Variants in PTPRN2 observed in about 807,000 individuals in gnomAD.
PTPRN2 encodes the protein receptor-type tyrosine-protein phosphatase N2.
A neutral mutation model predicts 118.8 loss-of-function variants in PTPRN2; 74 were observed. The ratio of observed to expected loss-of-function variants is 0.62; its 90% CI spans 0.52 to 0.76. PTPRN2 has a LOEUF of 0.76. Among genes scored for constraint, PTPRN2 ranks in the 30% least tolerant of loss-of-function variants. PTPRN2 has a pLI of 0.00. For missense variants in PTPRN2, 1,481 were observed against 1,394.4 expected, an observed-to-expected ratio of 1.06 and a Z score of -0.99; for synonymous variants, 641 against 608.0, an observed-to-expected ratio of 1.05 and a Z score of -0.80.
At chr7:157,748,494 AGTGTCTGGGTGATTCTTAGGTC>A (rs1563067892) in intron 12 of PTPRN2, among the ~76,000 whole-genome samples, 26 of 27,004 alleles carry the variant, frequency 9.6e-4, no homozygotes, top group South Asian at 5.5e-3. Context: ...TGAGCTGCGG[AGTGTCTGGGTGATTCTTAGGTC>A]TGCGTCTCTG....
chr7:157,829,062 G>A (rs1042800833), intron 12 of PTPRN2, among the ~76,000 whole-genome samples: 2 of 152,246 alleles, frequency 1.3e-5, no homozygotes, highest in East Asian at 1.9e-4. Context: ...TCCAGGACAC[G>A]TCTGCGATGC....
At chr7:158,167,418 G>T (rs554594999) in intron 5 of PTPRN2, 127 bp from the exon 6 acceptor site, 10 of 1,268,498 alleles carry the variant, frequency 7.9e-6, no homozygotes, top group Non-Finnish European at 1.1e-5. Flanking sequence ...ATGCCCTTCG[G>T]TCTCAGGTTC....
intron 7 of PTPRN2, among the ~76,000 whole-genome samples, chr7:158,137,809 C>G (rs112427084): frequency 6.6e-6 from 1 of 152,216 alleles, no homozygotes; most frequent in East Asian, 1.9e-4. Context: ...AGCCATCAGG[C>G]TGCAGAAGTC....
chr7:157,765,108 TCCC>T (rs1283545260), intron 12 of PTPRN2, among the ~76,000 whole-genome samples: 1 of 139,586 alleles, frequency 7.2e-6, no homozygotes, highest in Non-Finnish European at 1.5e-5. Context: ...CACCCATCCT[TCCC>T]CCATCCATCC....
At position 158,517,758 on chromosome 7, in the gene PTPRN2, C is replaced by T. The variant is rs531389609; in HGVS notation, c.113-27973G>A. On this transcript the variant is annotated intron_variant, in intron 1 of 22. Coordinates refer to ENST00000389418, the MANE Select transcript of PTPRN2 (RefSeq NM_002847.5). The surrounding 1 kb of genome is among the most constrained non-coding windows in gnomAD (Gnocchi z 5.3). ...ATCCCCACCATAGCCAGGCAGGCCTCCAGATGCCTCCAGACTCATCCCCAC... is the reference window on the plus strand; with the variant it reads ...ATCCCCACCATAGCCAGGCAGGCCTTCAGATGCCTCCAGACTCATCCCCAC... Among the ~76,000 whole-genome samples, 4 of 151,994 alleles carry T rather than the reference C, an allele frequency of 2.6e-5. No homozygotes were observed. The East Asian group carries it at 7.7e-4, about 29-fold the overall frequency.
chr7:158,304,498 G>A (rs1182549349), intron 3 of PTPRN2, among the ~76,000 whole-genome samples: 4 of 145,768 alleles, frequency 2.7e-5, no homozygotes, highest in African/African-American at 5.3e-5. Context: ...TACATTCTAG[G>A]GAGGCATAAG....
chr7:157,597,783 C>T (rs944957921), intron 16 of PTPRN2, among the ~76,000 whole-genome samples: 4 of 152,160 alleles, frequency 2.6e-5, no homozygotes, highest in South Asian at 2.1e-4. Context: ...GAGTGGGGAC[C>T]GGCCTCACCT....
rs1563336417 is a variant in PTPRN2, at chr7:158,022,616, ACC to A, written c.1723+58680_1723+58681del. Among the ~76,000 whole-genome samples, 2 of 142,696 alleles carry A rather than the reference ACC, an allele frequency of 1.4e-5. No individual in the cohort carries two copies. The highest frequency in any genetic ancestry group is 3.1e-5 in the Non-Finnish European group (2 of 64,174). 93.6% of individuals were successfully genotyped at this position (142,696 alleles called of 152,430 possible). ...ATGTGTTCATAGCCAAGGCCCCGGC[ACC>A]CGGGCACTCTGTCTGGGGCAGCCTG... On this transcript the variant is annotated intron_variant, in intron 11 of 22. Transcript: ENST00000389418. This position sits in a 1 kb window ranked among gnomAD's most constrained non-coding sequence, Gnocchi z 4.6.
intron 1 of PTPRN2, among the ~76,000 whole-genome samples, chr7:158,494,204 C>T (rs1171438910): frequency 6.6e-6 from 1 of 152,248 alleles, no homozygotes; most frequent in Admixed American, 6.5e-5. Flanking sequence ...AAGCTCGGCA[C>T]ATCCTGTACC....
chr7:158,060,455 CGTCTCT>C (rs774446303), intron 11 of PTPRN2, among the ~76,000 whole-genome samples: 1 of 152,226 alleles, frequency 6.6e-6, no homozygotes, highest in Non-Finnish European at 1.5e-5. Context: ...GGCACCTCTC[CGTCTCT>C]GTCTGCGCAT....
At chr7:158,377,746 G>C (rs543819448) in intron 2 of PTPRN2, among the ~76,000 whole-genome samples, 1 of 152,334 alleles carries the variant, frequency 6.6e-6, no homozygotes, top group East Asian at 1.9e-4. Flanking sequence ...CAGCTGGAGA[G>C]CTGACTTTCT....
chr7:157,646,133 G>A (rs559059779), intron 14 of PTPRN2, among the ~76,000 whole-genome samples: 52 of 152,332 alleles, frequency 3.4e-4, no homozygotes, highest in African/African-American at 1.0e-3. Flanking sequence ...CACAGTAGGC[G>A]CTGCCTCCGC....
At chr7:157,899,806 C>G (rs796486791) in intron 11 of PTPRN2, among the ~76,000 whole-genome samples, 1 of 152,168 alleles carries the variant, frequency 6.6e-6, no homozygotes, top group Admixed American at 6.5e-5. Flanking sequence ...TTACCTACTG[C>G]GCTGAAAGAA....
intron 12 of PTPRN2, among the ~76,000 whole-genome samples, chr7:157,828,068 G>T (rs559313856): frequency 6.6e-6 from 1 of 152,184 alleles, no homozygotes; most frequent in Non-Finnish European, 1.5e-5. Context: ...AGTACATTTC[G>T]TAAGTTCTGG....
intron 11 of PTPRN2, among the ~76,000 whole-genome samples, chr7:158,067,502 G>A (rs1810859951): frequency 6.6e-6 from 1 of 151,978 alleles, no homozygotes; most frequent in East Asian, 1.9e-4. Context: ...TCTGGGGTGG[G>A]GCCCAAGAGT....
chr7:157,582,883 A>C (rs1221441459), intron 17 of PTPRN2, among the ~76,000 whole-genome samples: 1 of 93,136 alleles, frequency 1.1e-5, no homozygotes, highest in Non-Finnish European at 2.1e-5. Flanking sequence ...TCAAAAAAAA[A>C]AAACAAAACA....
At chr7:158,538,340 G>A (rs1825772498) in intron 1 of PTPRN2, among the ~76,000 whole-genome samples, 1 of 152,250 alleles carries the variant, frequency 6.6e-6, no homozygotes, top group Non-Finnish European at 1.5e-5. Flanking sequence ...TAACCCCAGT[G>A]GTTCTCCTCC....
intron 12 of PTPRN2, among the ~76,000 whole-genome samples, chr7:157,746,438 C>T (rs538552214): frequency 2.1e-5 from 3 of 146,056 alleles, no homozygotes; most frequent in South Asian, 2.2e-4. Flanking sequence ...GTGGAGATCA[C>T]GGGACTCCCT....
chr7:158,131,432 C>CACACAT (rs1554550007), intron 9 of PTPRN2, among the ~76,000 whole-genome samples: 2,243 of 148,114 alleles, frequency 0.015, 90 homozygotes, highest in African/African-American at 0.049. Context: ...AACACACACA[C>CACACAT]GAACATACAA....
Sources: gnomAD v4.1 joint callset for allele counts (sites outside exome capture counted in the v4.1 genomes callset) on GRCh38, gnomAD v4.1.1 for gene constraint, Gnocchi (gnomAD v3.1) non-coding constraint, MANE v1.5 for transcripts, NCBI Gene and HGNC (gene_info 2026-07-23, HGNC 2026-07-21) for gene names.